SGCD: variants seen among roughly 807,000 people sequenced by gnomAD.
The protein encoded by SGCD is delta-sarcoglycan.
SGCD carries 18 observed loss-of-function variants against 36.6 expected under a neutral mutation model. The observed-to-expected ratio is 0.49, with a 90% CI of 0.34 to 0.73. The LOEUF is 0.73. Ranked by LOEUF, SGCD falls within the 30% of genes least tolerant of loss-of-function variation. The pLI, the probability that SGCD is intolerant of heterozygous loss-of-function variation, is 0.01. For missense variants in SGCD, 387 were observed against 346.7 expected, an observed-to-expected ratio of 1.12 and a Z score of -0.92; for synonymous variants, 133 against 130.6, an observed-to-expected ratio of 1.02 and a Z score of -0.12.
intron 1 of SGCD, among the ~76,000 whole-genome samples, chr5:156,070,116 C>A (rs1028532226): frequency 5.4e-5 from 8 of 148,942 alleles, no homozygotes; most frequent in Non-Finnish European, 1.0e-4. Context: ...ATTGGATACC[C>A]TTTATTTCCT....
the SGCD span, among the ~76,000 whole-genome samples, chr5:155,842,270 A>G: frequency 6.6e-5 from 9 of 136,202 alleles, no homozygotes; most frequent in East Asian, 1.9e-3. Flanking sequence ...TTTTTCTAAT[A>G]GCCAAAAAAA....
At chr5:156,568,483 G>A (rs900326541) in intron 4 of SGCD, among the ~76,000 whole-genome samples, 3 of 152,148 alleles carry the variant, frequency 2.0e-5, no homozygotes, top group Admixed American at 1.3e-4. Flanking sequence ...TGTAACCGAC[G>A]GCCATAAAGT....
intron 4 of SGCD, among the ~76,000 whole-genome samples, chr5:156,527,658 A>G (rs1757699755): frequency 6.6e-6 from 1 of 152,168 alleles, no homozygotes; most frequent in East Asian, 1.9e-4. Flanking sequence ...GGATATAATC[A>G]ATGGTTTTCT....
At chr5:156,294,269 T>G (rs1202626239) in intron 3 of SGCD, among the ~76,000 whole-genome samples, 1 of 152,138 alleles carries the variant, frequency 6.6e-6, no homozygotes, top group African/African-American at 2.4e-5. Context: ...TAAATTATAT[T>G]TGTGAACAGA....
intron 3 of SGCD, among the ~76,000 whole-genome samples, chr5:156,156,216 AAG>A (rs781704830): frequency 8.6e-5 from 13 of 151,562 alleles, no homozygotes; most frequent in Non-Finnish European, 1.3e-4. Context: ...AGGCCAAGAG[AAG>A]AGAGAGCATT....
chr5:156,541,480 G>T (rs950658690), intron 4 of SGCD, among the ~76,000 whole-genome samples: 1 of 152,100 alleles, frequency 6.6e-6, no homozygotes, highest in Non-Finnish European at 1.5e-5. Flanking sequence ...TATTTTAGAG[G>T]TACAGTTGAC....
intron 3 of SGCD, among the ~76,000 whole-genome samples, chr5:156,246,307 A>G (rs535600836): frequency 1.3e-5 from 2 of 152,312 alleles, no homozygotes; most frequent in Admixed American, 6.5e-5. Flanking sequence ...AAATCAGCAC[A>G]TTTTCATCTT....
intron 1 of SGCD, among the ~76,000 whole-genome samples, chr5:156,110,990 C>T (rs1048239798): frequency 4.0e-5 from 6 of 151,326 alleles, no homozygotes; most frequent in African/African-American, 1.5e-4. Context: ...TATTTGAACA[C>T]GAAAAAAATA....
chr5:156,094,197 G>T (rs1331673006), intron 1 of SGCD, among the ~76,000 whole-genome samples: 1 of 152,202 alleles, frequency 6.6e-6, no homozygotes. Flanking sequence ...TGCTGCTGCA[G>T]CCTTGGGAAG....
At chr5:156,005,813 C>G (rs1057275311) in intron 1 of SGCD, among the ~76,000 whole-genome samples, 3 of 152,154 alleles carry the variant, frequency 2.0e-5, no homozygotes. Context: ...CATGCTCACT[C>G]AGTCTCTTGC....
At chr5:155,739,541 C>A in the SGCD span, among the ~76,000 whole-genome samples, 1 of 152,198 alleles carries the variant, frequency 6.6e-6, no homozygotes, top group Non-Finnish European at 1.5e-5. Flanking sequence ...AAAGAAAGCT[C>A]TATGGCTGTT....
chr5:156,071,952 C>A (rs553167652), intron 1 of SGCD, among the ~76,000 whole-genome samples: 1 of 152,068 alleles, frequency 6.6e-6, no homozygotes, highest in Non-Finnish European at 1.5e-5. Context: ...AGGATTGCAA[C>A]CCCTGCCTTT....
intron 3 of SGCD, among the ~76,000 whole-genome samples, chr5:156,359,472 C>T (rs1769666004): frequency 6.6e-6 from 1 of 152,126 alleles, no homozygotes; most frequent in Admixed American, 6.5e-5. Flanking sequence ...CCTCGTTTCC[C>T]AGATGAGAAA....
chr5:156,256,177 T>C (rs1354819080), intron 3 of SGCD, among the ~76,000 whole-genome samples: 2 of 119,652 alleles, frequency 1.7e-5, no homozygotes, highest in Non-Finnish European at 3.4e-5. Flanking sequence ...TATATTCTTT[T>C]CTTGTTTCAG....
chr5:156,070,601 T>C (rs1030884835), intron 1 of SGCD, among the ~76,000 whole-genome samples: 7 of 152,026 alleles, frequency 4.6e-5, no homozygotes, highest in African/African-American at 1.7e-4. Flanking sequence ...TCTTTTTTGG[T>C]TGTGTCTCTG....
chr5:156,606,721 A>G (rs144604523), intron 6 of SGCD, among the ~76,000 whole-genome samples: 1 of 151,946 alleles, frequency 6.6e-6, no homozygotes, highest in East Asian at 1.9e-4. Context: ...CTTTTATTTC[A>G]TTGAGCAGTG....
chr5:156,219,839 T>C (rs1277839176), intron 3 of SGCD, among the ~76,000 whole-genome samples: 1 of 152,170 alleles, frequency 6.6e-6, no homozygotes, highest in Non-Finnish European at 1.5e-5. Flanking sequence ...TAGCCCCGTA[T>C]TGGAGAAGTA....
the SGCD span, among the ~76,000 whole-genome samples, chr5:155,728,761 C>G: frequency 1.3e-5 from 2 of 152,254 alleles, no homozygotes; most frequent in South Asian, 4.1e-4. Context: ...CCTGTGAGCC[C>G]CTCTCCCCGC....
At chr5:156,108,699 G>GT (rs937389323) in intron 1 of SGCD, among the ~76,000 whole-genome samples, 3 of 152,030 alleles carry the variant, frequency 2.0e-5, no homozygotes, top group African/African-American at 7.2e-5. Context: ...CAAATGTACT[G>GT]TTTTTTATTT....
Sources: gnomAD v4.1 joint callset for allele counts (sites outside exome capture counted in the v4.1 genomes callset) on GRCh38, gnomAD v4.1.1 for gene constraint, MANE v1.5 for transcripts, NCBI Gene and HGNC (gene_info 2026-07-23, HGNC 2026-07-21) for gene names.